MFSD12: variants seen among roughly 807,000 people sequenced by gnomAD.
MFSD12 encodes the protein major facilitator superfamily domain containing 12.
MFSD12 carries 67 observed loss-of-function variants against 51.2 expected under a neutral mutation model. The observed-to-expected ratio is 1.31, with a 90% CI of 1.08 to 1.60. The LOEUF is 1.60. MFSD12 is among the 40% of genes most tolerant of loss of function. The pLI, the probability that MFSD12 is intolerant of heterozygous loss-of-function variation, is 0.00. For missense variants in MFSD12, 921 were observed against 673.0 expected (o/e 1.37, Z -4.08); for synonymous variants, 441 against 316.7 (o/e 1.39, Z -4.17).
rs149650772 is a variant in MFSD12 at position 3,548,546 on chromosome 19, A to C, written c.510-279T>G. 3.5e-3 allele frequency among the ~76,000 whole-genome samples: 534 copies of C among 152,276 alleles called. 4 individuals carry two copies. Among genetic ancestry groups the C allele is most frequent in the African/African-American group, 0.012 (507 of 41,570 alleles). On this transcript the variant is annotated intron_variant, in intron 2 of 9. Transcript: ENST00000355415. The stretch of plus-strand genomic sequence containing the variant: ...AGCGGAGTCCAGGCTACAACCCAAA[A>C]GTCTGAGAACCCAGAGACTCAGAAG...
intron 2 of MFSD12, among the ~76,000 whole-genome samples, chr19:3,549,528 G>A (rs376766308): frequency 4.0e-5 from 6 of 151,714 alleles, no homozygotes; most frequent in African/African-American, 1.2e-4. Context: ...TTCGAGACCA[G>A]CCTGGCCAAG....
intron 2 of MFSD12, among the ~76,000 whole-genome samples, chr19:3,549,888 T>C (rs2031372557): frequency 1.3e-5 from 2 of 149,564 alleles, no homozygotes; most frequent in Admixed American, 1.3e-4. Context: ...AAAAAAAAAT[T>C]AGCCGAGATC....
At chr19:3,555,136 A>T (rs1384807352) in intron 1 of MFSD12, among the ~76,000 whole-genome samples, 1 of 152,044 alleles carries the variant, frequency 6.6e-6, no homozygotes, top group Non-Finnish European at 1.5e-5. Context: ...TTGTTTTTTT[A>T]GACAGACTCT....
At chr19:3,543,161 T>C, downstream of MFSD12, 1 of 1,517,692 alleles carries the variant, frequency 6.6e-7, no homozygotes, top group Non-Finnish European at 8.8e-7. Context: ...TCATCCACCC[T>C]GGCAGACATC....
rs1468600828 is a variant in MFSD12 at position 3,551,054 on chromosome 19, T to A, written c.439A>T (p.Ile147Phe). ...TCCGGGATGAGGCTGAGGTGGGAGATCTGTGTGGAGGCCCAGCCAAACTGG... is the reference window on the plus strand; with the variant it reads ...TCCGGGATGAGGCTGAGGTGGGAGAACTGTGTGGAGGCCCAGCCAAACTGG... ...IFQFGWASTQ[I>F]SHLSLIPELV... Residue 147 changes from isoleucine to phenylalanine, a missense_variant, in exon 2 of 10, where the codon ATC (isoleucine) becomes TTC (phenylalanine). Physicochemically the swap from Ile to Phe is conservative, Grantham distance 21. Coordinates refer to ENST00000355415, the MANE Select transcript of MFSD12 (RefSeq NM_174983.5). This position sits in a 1 kb window ranked among gnomAD's most constrained non-coding sequence, Gnocchi z 4.6. 1 of 1,612,860 alleles carries A rather than the reference T, an allele frequency of 6.2e-7. No individual in the cohort carries two copies. Among genetic ancestry groups the A allele is most frequent in the East Asian group, 2.2e-5 (1 of 44,870 alleles).
At position 3,547,563 on chromosome 19, in the gene MFSD12, CAGAG is replaced by C. The variant is rs2031179346; in HGVS notation, c.838-20_838-17del. On this transcript the variant is annotated splice_polypyrimidine_tract_variant and intron_variant, in intron 4 of 9. Coordinates refer to ENST00000355415, the MANE Select transcript of MFSD12 (RefSeq NM_174983.5). ...GTATGCCCACCTGTGGGCAGACCGA[CAGAG>C]GGACTGGCAGGGGTCAGGAGGGCCT... The C allele has an allele frequency of 1.1e-5, 17 of 1,599,610 alleles. No homozygotes were observed. The highest frequency in any genetic ancestry group is 1.3e-5 in the Non-Finnish European group (15 of 1,172,788).
Position 3,547,528 on chromosome 19 carries a change from G to A in MFSD12, c.857C>T (p.Thr286Ile). ...AFYQVGILYM[T>I]TRLIVNLSQT... ...GGACAGGTTCACGATGAGCCTGGTG[G>A]TCATGTACAGTATGCCCACCTGTGG... The change falls in exon 5 of 10, where the codon ACC (threonine) becomes ATC (isoleucine). Residue 286 changes from threonine (T) to isoleucine (I), a missense_variant. Thr to Ile is a moderately conservative substitution (Grantham distance 89). Coordinates refer to ENST00000355415, the MANE Select transcript of MFSD12 (RefSeq NM_174983.5). The A allele has an allele frequency of 1.2e-6, 2 of 1,611,820 alleles. No individual in the cohort carries two copies. Among genetic ancestry groups the A allele is most frequent in the East Asian group, 2.2e-5 (1 of 44,856 alleles).
Position 3,547,927 on chromosome 19 carries a change from T to C in MFSD12, c.758A>G (p.His253Arg). The part of the protein sequence containing the change: ...RRPHAEEPGE[H>R]TPLLAPATAQ... Reference sequence around the variant, plus strand: ...CGTGGCAGGGGCCAACAGGGGGGTGTGCTCGCCTGGCTCCTCCGCATGCGG... The same window carrying C: ...CGTGGCAGGGGCCAACAGGGGGGTGCGCTCGCCTGGCTCCTCCGCATGCGG... Residue 253 changes from histidine to arginine, a missense_variant, in exon 4 of 10, where the codon CAC becomes CGC. Transcript: ENST00000355415. 6.3e-7 allele frequency: 1 copy of C among 1,588,630 alleles called. No individual in the cohort carries two copies.
At chr19:3,542,471 G>A (rs1476507340), downstream of MFSD12, 1 of 984,702 alleles carries the variant, frequency 1.0e-6, no homozygotes, top group African/African-American at 1.7e-5. Flanking sequence ...ACATCTTTGA[G>A]TCTCTTGTCT....
chr19:3,544,811 C>T lies in MFSD12; in HGVS notation c.1418G>A (p.Arg473His), dbSNP rs371763062. The change falls in exon 9 of 10, where the codon CGC (arginine) becomes CAC (histidine). Residue 473 changes from arginine to histidine, a missense_variant and splice_region_variant. By Grantham distance (29) the Arg-to-His change is conservative. Transcript: ENST00000355415. ...SLLLWPTRLRRWDRDARP is the reference protein window; with the variant it reads ...SLLLWPTRLRHWDRDARP ...GGGAGGGGTGGGCCAGGACTCACAGCGTCGCAGGCGGGTCGGCCACAGCAG... is the reference window on the plus strand; with the variant it reads ...GGGAGGGGTGGGCCAGGACTCACAGTGTCGCAGGCGGGTCGGCCACAGCAG... The T allele has an allele frequency of 3.3e-5, 53 of 1,611,856 alleles. No individual in the cohort carries two copies. The African/African-American group carries it at 3.7e-4, about 11-fold the overall frequency.
rs549406962 is a variant in MFSD12 at position 3,556,026 on chromosome 19, C to G, written c.298+1080G>C. 1.1e-4 allele frequency among the ~76,000 whole-genome samples: 16 copies of G among 152,288 alleles called. No individual in the cohort carries two copies. The East Asian group carries it at 3.1e-3, about 29-fold the overall frequency. On this transcript the variant is annotated intron_variant, in intron 1 of 9. Transcript: ENST00000355415. ...CCCTCTCTAATCAGGGCAGCTCCCC[C>G]AGACCTAGGGGGTCCCTGACCCTGG...
intron 1 of MFSD12, among the ~76,000 whole-genome samples, chr19:3,554,574 T>C (rs1568263188): frequency 6.6e-6 from 1 of 152,196 alleles, no homozygotes; most frequent in Non-Finnish European, 1.5e-5. Flanking sequence ...AGCTTCAAAG[T>C]GAGGACTGTT....
chr19:3,538,610 G>C (rs1385098411), exon 5 of MFSD12: 1 of 444,474 alleles, frequency 2.2e-6, no homozygotes, highest in Non-Finnish European at 4.7e-6. Context: ...GCCTGGGTCA[G>C]AGCTTCGCAC....
At chr19:3,544,047 C>A, downstream of MFSD12, 1 of 1,499,140 alleles carries the variant, frequency 6.7e-7, no homozygotes, top group Non-Finnish European at 9.0e-7. Context: ...GTCTCTGCAC[C>A]CAGATGAGGG....
chr19:3,547,364 T>C lies in MFSD12; in HGVS notation c.931A>G (p.Lys311Glu). The change falls in exon 6 of 10, where the codon AAG becomes GAG. Residue 311 changes from lysine to glutamate, a missense_variant and splice_region_variant. Coordinates refer to ENST00000355415, the MANE Select transcript of MFSD12 (RefSeq NM_174983.5). ...ACCAGGGGAATGGTCGCGATGAACTTCTGCGGAGGCAGAGCCAGGCATGCC... is the reference window on the plus strand; with the variant it reads ...ACCAGGGGAATGGTCGCGATGAACTCCTGCGGAGGCAGAGCCAGGCATGCC... ...YLTYSLHLPK[K>E]FIATIPLVMY... is the part of the protein sequence containing the mutation. 1 of 1,613,244 alleles carries C rather than the reference T, an allele frequency of 6.2e-7. No individual in the cohort carries two copies. The highest frequency in any genetic ancestry group is 8.5e-7 in the Non-Finnish European group (1 of 1,179,958).
intron 1 of MFSD12, among the ~76,000 whole-genome samples, chr19:3,552,840 C>T (rs765005130): frequency 6.6e-6 from 1 of 152,148 alleles, no homozygotes; most frequent in Non-Finnish European, 1.5e-5. Context: ...AGCCTGTAAG[C>T]GTGGGTGTCA....
chr19:3,545,784 T>G, intron 8 of MFSD12, among the ~76,000 whole-genome samples: 1 of 152,374 alleles, frequency 6.6e-6, no homozygotes, highest in Non-Finnish European at 1.5e-5. Context: ...CCCTGAGTTC[T>G]GTGGGTCTGG....
chr19:3,547,168 C>T (rs562749267), intron 6 of MFSD12, 104 bp downstream of exon 6: 982 of 1,029,606 alleles, frequency 9.5e-4, no homozygotes, highest in Middle Eastern at 4.3e-3. Flanking sequence ...GGCGGGAACT[C>T]GGAGGCCTGA....
downstream of MFSD12, chr19:3,543,149 C>T: frequency 1.3e-6 from 2 of 1,513,562 alleles, no homozygotes; most frequent in South Asian, 1.2e-5. Context: ...CAGGCCTCTA[C>T]ATCATCCACC....
Sources: gnomAD v4.1 joint callset for allele counts (sites outside exome capture counted in the v4.1 genomes callset) on GRCh38, gnomAD v4.1.1 for gene constraint, Gnocchi (gnomAD v3.1) non-coding constraint, MANE v1.5 for transcripts, NCBI Gene and HGNC (gene_info 2026-07-23, HGNC 2026-07-21) for gene names.